Variants in LRRC8D observed in about 807,000 individuals in gnomAD.
The protein encoded by LRRC8D is volume-regulated anion channel subunit LRRC8D.
Under a neutral mutation model 55.8 loss-of-function variants are expected in LRRC8D, and 20 were observed. The ratio of observed to expected loss-of-function variants is 0.36; its 90% CI spans 0.25 to 0.52. The LOEUF (loss-of-function observed/expected upper bound fraction) is 0.52, where lower values mean the gene tolerates loss of function less well. Among genes scored for constraint, LRRC8D ranks in the 20% least tolerant of loss-of-function variants. The pLI is 0.93. For synonymous variants in LRRC8D, 352 were observed against 377.0 expected (o/e 0.93, Z 0.77); for missense variants, 651 against 1,030.8 (o/e 0.63, Z 5.05).
intron 2 of LRRC8D, among the ~76,000 whole-genome samples, chr1:89,852,854 G>C (rs1032017085): frequency 6.6e-6 from 1 of 152,190 alleles, no homozygotes; most frequent in South Asian, 2.1e-4. Context: ...GGAGCCAAGC[G>C]ATGGTGGTAC....
At chr1:89,839,336 G>A (rs1476466426) in intron 1 of LRRC8D, among the ~76,000 whole-genome samples, 2 of 152,210 alleles carry the variant, frequency 1.3e-5, no homozygotes, top group Non-Finnish European at 1.5e-5. Context: ...GGAAATTGGA[G>A]CACTGAGCTT....
chr1:89,894,119 C>G (rs1160337881), intron 2 of LRRC8D, among the ~76,000 whole-genome samples: 1 of 152,194 alleles, frequency 6.6e-6, no homozygotes, highest in Admixed American at 6.5e-5. Context: ...AAAGGGACCC[C>G]AGAGAGTTCT....
At chr1:89,926,145 T>C (rs1663558427) in intron 2 of LRRC8D, among the ~76,000 whole-genome samples, 1 of 152,260 alleles carries the variant, frequency 6.6e-6, no homozygotes, top group African/African-American at 2.4e-5. Flanking sequence ...TGTGAAGTTC[T>C]CCCAGTTACT....
intron 2 of LRRC8D, among the ~76,000 whole-genome samples, chr1:89,926,284 G>C (rs1464737200): frequency 1.3e-5 from 2 of 152,252 alleles, no homozygotes; most frequent in Non-Finnish European, 2.9e-5. Flanking sequence ...ATTAAAAGTA[G>C]TGGCAAAAAC....
intron 1 of LRRC8D, among the ~76,000 whole-genome samples, chr1:89,831,801 G>T (rs1380759130): frequency 6.6e-6 from 1 of 152,208 alleles, no homozygotes; most frequent in Admixed American, 6.5e-5. Context: ...CCAGAGAACA[G>T]CTGATAGCAA....
chr1:89,929,769 A>C (rs1490576793), intron 2 of LRRC8D: 1 of 152,224 alleles, frequency 6.6e-6, no homozygotes, highest in Non-Finnish European at 1.5e-5. Flanking sequence ...CCAAATTCCC[A>C]ACATCATTAC....
At position 89,934,093 on chromosome 1, in the gene LRRC8D, A is replaced by C. The variant is rs1283547850; in HGVS notation, c.1025A>C (p.Lys342Thr). ...AGCTTTGAACACGTCTGCAAGCCCA[A>C]AGTTGAGCATCTGATTGGTTATGAG... ...AISFEHVCKP[K>T]VEHLIGYEVF... is the part of the protein sequence containing the mutation. The change falls in exon 3 of 3, where the codon AAA becomes ACA. Residue 342 changes from lysine to threonine, a missense_variant. Around this residue, in one of 5 missense-constraint regions of LRRC8D, gnomAD observed 178 missense variants for 374.9 expected, o/e 0.47. Coordinates refer to ENST00000337338, the MANE Select transcript of LRRC8D (RefSeq NM_001134479.2). The surrounding 1 kb of genome is among the most constrained non-coding windows in gnomAD (Gnocchi z 5.9). 1.1e-5 allele frequency: 17 copies of C among 1,614,192 alleles called. No individual in the cohort carries two copies. Among genetic ancestry groups the C allele is most frequent in the Non-Finnish European group, 1.4e-5 (17 of 1,180,034 alleles).
intron 2 of LRRC8D, among the ~76,000 whole-genome samples, chr1:89,924,058 C>G (rs1223400385): frequency 2.0e-5 from 3 of 152,120 alleles, no homozygotes; most frequent in Non-Finnish European, 4.4e-5. Context: ...GCAATTGCAA[C>G]AAAAACAAAA....
intron 1 of LRRC8D, among the ~76,000 whole-genome samples, chr1:89,834,131 T>C (rs1306682445): frequency 1.3e-5 from 2 of 152,154 alleles, no homozygotes; most frequent in African/African-American, 4.8e-5. Flanking sequence ...ACAAATAGAA[T>C]AGGAATAGAA....
rs78237512 is a variant in LRRC8D, at chr1:89,871,810, G to A, written c.-3+28028G>A. ...ATGGATTTATTTCAATACCTTCAGT[G>A]GCTCTTTTCTGAAAAAGTCCATTGA... On this transcript the variant is annotated intron_variant, in intron 2 of 2. Coordinates refer to ENST00000337338, the MANE Select transcript of LRRC8D (RefSeq NM_001134479.2). Among the ~76,000 whole-genome samples, 667 of 152,290 alleles carry A rather than the reference G, an allele frequency of 4.4e-3. 2 individuals are homozygous for A. Among genetic ancestry groups the A allele is most frequent in the Non-Finnish European group, 6.4e-3 (438 of 68,034 alleles).
At chr1:89,907,287 G>A (rs1342875273) in intron 2 of LRRC8D, among the ~76,000 whole-genome samples, 1 of 150,144 alleles carries the variant, frequency 6.7e-6, no homozygotes, top group Non-Finnish European at 1.5e-5. Context: ...CGCCTCCCGG[G>A]TTCAGGCGAT....
At chr1:89,905,832 G>A (rs1662975539) in intron 2 of LRRC8D, among the ~76,000 whole-genome samples, 1 of 152,116 alleles carries the variant, frequency 6.6e-6, no homozygotes. Flanking sequence ...AATTAGTGAG[G>A]GGGCAGCAAG....
chr1:89,933,169 T>C lies in LRRC8D; in HGVS notation c.101T>C (p.Val34Ala). 6.2e-7 allele frequency: 1 copy of C among 1,614,222 alleles called. No individual in the cohort carries two copies. Reference sequence around the variant, plus strand: ...GTGTTTATGGATTACCTAGCTGTTGTTATGTTAATGGTAGCCATCTTTGCA... The same window carrying C: ...GTGTTTATGGATTACCTAGCTGTTGCTATGTTAATGGTAGCCATCTTTGCA... ...WDVFMDYLAV[V>A]MLMVAIFAGT... is the part of the protein sequence containing the mutation. The change falls in exon 3 of 3, where the codon GTT (valine) becomes GCT (alanine). Residue 34 changes from valine (V) to alanine (A), a missense_variant. Around this residue, in one of 5 missense-constraint regions of LRRC8D, gnomAD observed 118 missense variants for 138.0 expected, o/e 0.85. Coordinates refer to ENST00000337338, the MANE Select transcript of LRRC8D (RefSeq NM_001134479.2). The surrounding 1 kb of genome is among the most constrained non-coding windows in gnomAD (Gnocchi z 7.0).
chr1:89,838,211 G>A (rs71666230), intron 1 of LRRC8D, among the ~76,000 whole-genome samples: 2,950 of 26,802 alleles, frequency 0.11, 96 homozygotes, highest in African/African-American at 0.15. Flanking sequence ...AAAAAAAAAA[G>A]GGGGGAAAAA....
intron 2 of LRRC8D, among the ~76,000 whole-genome samples, chr1:89,878,153 C>A (rs1315305900): frequency 6.6e-6 from 1 of 152,208 alleles, no homozygotes; most frequent in African/African-American, 2.4e-5. Flanking sequence ...CATAGACTTG[C>A]AGTGGATAAA....
intron 2 of LRRC8D, among the ~76,000 whole-genome samples, chr1:89,896,323 TAG>T (rs1208894655): frequency 7.2e-5 from 11 of 152,036 alleles, no homozygotes; most frequent in African/African-American, 2.2e-4. Flanking sequence ...GAGGAGCCCT[TAG>T]AGATCGTGTC....
At chr1:89,866,734 T>C (rs1393749077) in intron 2 of LRRC8D, among the ~76,000 whole-genome samples, 1 of 152,202 alleles carries the variant, frequency 6.6e-6, no homozygotes, top group Non-Finnish European at 1.5e-5. Flanking sequence ...GGGGTCTCTC[T>C]CTGGCTATTT....
chr1:89,881,960 A>C (rs987856180), intron 2 of LRRC8D, among the ~76,000 whole-genome samples: 12 of 152,150 alleles, frequency 7.9e-5, no homozygotes, highest in African/African-American at 2.9e-4. Context: ...CAGTTTATCC[A>C]TATCCACTGC....
intron 2 of LRRC8D, among the ~76,000 whole-genome samples, chr1:89,929,371 A>G (rs1210686587): frequency 6.6e-6 from 1 of 152,250 alleles, no homozygotes; most frequent in African/African-American, 2.4e-5. Context: ...ATGGCTTGTT[A>G]GAGAAACTGG....
Sources: allele counts gnomAD v4.1 joint callset (sites outside exome capture counted in the v4.1 genomes callset), GRCh38; gene constraint gnomAD v4.1.1; regional missense constraint gnomAD v4.1.1; non-coding constraint Gnocchi (gnomAD v3.1); transcripts MANE v1.5; gene names NCBI Gene and HGNC (gene_info 2026-07-23, HGNC 2026-07-21).